The following ZNF705B variants were observed in gnomAD, a reference collection of about 807,000 sequenced individuals.
ZNF705B encodes zinc finger protein 705B.
ZNF705B carries 1 observed loss-of-function variant against 10.5 expected under a neutral mutation model. That is an observed-to-expected ratio of 0.10 (90% CI 0.03 to 0.45). ZNF705B has a LOEUF of 0.45. ZNF705B is among the 20% of genes least tolerant of loss of function. The probability of loss-of-function intolerance (pLI) is 0.97; values close to 1 mark genes in which losing one functional copy is unlikely to be tolerated. For missense variants in ZNF705B, 14 were observed against 84.0 expected, an observed-to-expected ratio of 0.17 and a Z score of 3.26; for synonymous variants, 4 against 25.4, an observed-to-expected ratio of 0.16 and a Z score of 2.53.
At chr8:7,927,282 T>C (rs1346605898) in intron 1 of ZNF705B, among the ~76,000 whole-genome samples, 6 of 120,060 alleles carry the variant, frequency 5.0e-5, no homozygotes, top group African/African-American at 1.5e-4. Context: ...TATTAAGTTT[T>C]AAATTTTAGG....
chr8:7,932,970 C>A (rs1380899511), intron 2 of ZNF705B, among the ~76,000 whole-genome samples: 1 of 113,934 alleles, frequency 8.8e-6, no homozygotes, highest in South Asian at 3.2e-4. Context: ...ATAATGTCCC[C>A]TCTGTCTCCC....
rs1196575255 is a variant in ZNF705B, at chr8:7,937,891, C to T, written c.-72+7455C>T. ...GGGAAAAACAGTTCAGTTTCCAGGG[C>T]CTTAATTTTTTTCTCTATAAAACAG... is the stretch of plus-strand genomic sequence containing the variant. On this transcript the variant is annotated intron_variant, in intron 2 of 6. Transcript: ENST00000400120. Among the ~76,000 whole-genome samples, 8 of 104,260 alleles carry T rather than the reference C, an allele frequency of 7.7e-5. 2 individuals are homozygous for T. The highest frequency in any genetic ancestry group is 1.8e-4 in the Non-Finnish European group (8 of 43,844). 68.4% of individuals were successfully genotyped at this position (104,260 alleles called of 152,430 possible).
intron 1 of ZNF705B, among the ~76,000 whole-genome samples, chr8:7,927,704 G>A (rs1399030523): frequency 6.9e-6 from 1 of 144,164 alleles, no homozygotes; most frequent in East Asian, 2.1e-4. Context: ...TCACTCAGTT[G>A]ATGAATGGCA....
intron 2 of ZNF705B, among the ~76,000 whole-genome samples, chr8:7,931,737 C>T (rs1563492498): frequency 7.6e-6 from 1 of 130,822 alleles, no homozygotes; most frequent in Non-Finnish European, 1.8e-5. Context: ...GTCAGTGGTC[C>T]TGGGAAGGTG....
chr8:7,931,728 T>C (rs1181277253), intron 2 of ZNF705B, among the ~76,000 whole-genome samples: 2 of 130,840 alleles, frequency 1.5e-5, no homozygotes, highest in Admixed American at 8.4e-5. Flanking sequence ...GCTGTCAGTG[T>C]CAGTGGTCCT....
rs552618104 is a variant in ZNF705B at position 7,929,419 on chromosome 8, A to G, written c.-221-868A>G. The stretch of plus-strand genomic sequence containing the variant: ...ATGCAGAGACATGAAATGAATGAGG[A>G]TAAATGAATAAGTGGATGAATCCTC... On this transcript the variant is annotated intron_variant, in intron 1 of 6. Coordinates refer to ENST00000400120, the MANE Select transcript of ZNF705B (RefSeq NM_001193630.1). Among the ~76,000 whole-genome samples the G allele has an allele frequency of 1.6e-4, 20 of 121,640 alleles. 4 individuals carry two copies. In the South Asian group the frequency reaches 4.7e-3, roughly 28 times the overall value. The allele number at this position is 121,640 out of a possible 152,430, so 79.8% of individuals were successfully genotyped here.
At chr8:7,928,617 C>T (rs1483904263) in intron 1 of ZNF705B, among the ~76,000 whole-genome samples, 1 of 109,328 alleles carries the variant, frequency 9.1e-6, no homozygotes, top group African/African-American at 2.6e-5. Context: ...TGTTTAATTC[C>T]TTTACCATAA....
chr8:7,940,377 T>C (rs1314150001), intron 2 of ZNF705B, among the ~76,000 whole-genome samples: 2 of 145,250 alleles, frequency 1.4e-5, no homozygotes, highest in African/African-American at 5.1e-5. Context: ...CCATCAAGAT[T>C]ATAACCATAT....
rs1177030969 is a variant in ZNF705B at position 7,937,043 on chromosome 8, G to A, written c.-72+6607G>A. Reference sequence around the variant, plus strand: ...ATATTGTGGACACTATGTCTTTTCCGGCCATTTGCTTTAGGAACAAAAGAT... The same window carrying A: ...ATATTGTGGACACTATGTCTTTTCCAGCCATTTGCTTTAGGAACAAAAGAT... On this transcript the variant is annotated intron_variant, in intron 2 of 6. Transcript: ENST00000400120. Among the ~76,000 whole-genome samples the A allele has an allele frequency of 2.6e-4, 31 of 117,610 alleles. 1 individual carries two copies. The highest frequency in any genetic ancestry group is 6.2e-4 in the African/African-American group (24 of 38,702). The allele number at this position is 117,610 out of a possible 152,430, so 77.2% of individuals were successfully genotyped here.
chr8:7,927,438 T>A (rs1236497642), intron 1 of ZNF705B, among the ~76,000 whole-genome samples: 1 of 121,366 alleles, frequency 8.2e-6, no homozygotes, highest in African/African-American at 2.5e-5. Flanking sequence ...CTTTTTTTCA[T>A]GTTTGTTGGC....
intron 2 of ZNF705B, among the ~76,000 whole-genome samples, chr8:7,931,993 T>C (rs1439081313): frequency 1.7e-5 from 2 of 120,880 alleles, no homozygotes; most frequent in Admixed American, 9.3e-5. Context: ...GGGCAGGATG[T>C]AGTCTTTTGG....
chr8:7,934,028 C>G (rs1584998684), intron 2 of ZNF705B, among the ~76,000 whole-genome samples: 1 of 139,090 alleles, frequency 7.2e-6, no homozygotes, highest in African/African-American at 2.5e-5. Flanking sequence ...GCAGCCTCCA[C>G]CTCATGGGTT....
chr8:7,927,291 G>A (rs1819718194), intron 1 of ZNF705B, among the ~76,000 whole-genome samples: 1 of 120,050 alleles, frequency 8.3e-6, no homozygotes, highest in Non-Finnish European at 2.0e-5. Flanking sequence ...TTAAATTTTA[G>A]GGATTTTTTT....
intron 2 of ZNF705B, among the ~76,000 whole-genome samples, chr8:7,937,511 T>C (rs1820048590): frequency 8.8e-6 from 1 of 114,104 alleles, no homozygotes; most frequent in Admixed American, 1.1e-4. Flanking sequence ...TTATCCAAAT[T>C]TGGAATTTTT....
At chr8:7,929,751 T>C (rs1454095831) in intron 1 of ZNF705B, among the ~76,000 whole-genome samples, 1 of 113,864 alleles carries the variant, frequency 8.8e-6, no homozygotes, top group African/African-American at 2.6e-5. Context: ...AGTCATTTGC[T>C]CTTGAGAAGA....
At chr8:7,934,702 G>GTGTGTA (rs1819963388) in intron 2 of ZNF705B, 3 of 73,422 alleles carry the variant, frequency 4.1e-5, no homozygotes, top group East Asian at 3.4e-4. Context: ...CTGTGTGTGT[G>GTGTGTA]TGTGTGTGTG....
At chr8:7,930,953 T>C (rs1467615645) in intron 2 of ZNF705B, among the ~76,000 whole-genome samples, 1 of 126,976 alleles carries the variant, frequency 7.9e-6, no homozygotes, top group African/African-American at 2.5e-5. Flanking sequence ...CCTCCTGGGC[T>C]CAAGCAATTC....
In ZNF705B at chr8:7,932,005, G is replaced by A. The variant is rs1375054428; in HGVS notation, c.-72+1569G>A. 5.8e-5 allele frequency among the ~76,000 whole-genome samples: 7 copies of A among 120,584 alleles called. 2 individuals carry two copies. The highest frequency in any genetic ancestry group is 1.5e-4 in the African/African-American group (6 of 39,566). The allele number at this position is 120,584 out of a possible 152,430, so 79.1% of individuals were successfully genotyped here. ...CCAGGGCAGGATGTAGTCTTTTGGGGGCTGGGCTCTCAAATTGGCATTGTG... is the reference window on the plus strand; with the variant it reads ...CCAGGGCAGGATGTAGTCTTTTGGGAGCTGGGCTCTCAAATTGGCATTGTG... On this transcript the variant is annotated intron_variant, in intron 2 of 6. Coordinates refer to ENST00000400120, the MANE Select transcript of ZNF705B (RefSeq NM_001193630.1).
At chr8:7,930,788 G>A (rs1819820756) in intron 2 of ZNF705B, among the ~76,000 whole-genome samples, 1 of 114,040 alleles carries the variant, frequency 8.8e-6, no homozygotes, top group Non-Finnish European at 2.1e-5. Context: ...AACAAATAAT[G>A]CTGACCACTT....
Sources: gnomAD v4.1 joint callset for allele counts (sites outside exome capture counted in the v4.1 genomes callset) on GRCh38, gnomAD v4.1.1 for gene constraint, MANE v1.5 for transcripts, NCBI Gene and HGNC (gene_info 2026-07-23, HGNC 2026-07-21) for gene names.